The following DAB1 variants were observed in gnomAD, a reference collection of about 807,000 sequenced individuals.
DAB1 encodes the protein disabled homolog 1.
Under a neutral mutation model 64.6 loss-of-function variants are expected in DAB1, and 15 were observed. That is an observed-to-expected ratio of 0.23 (90% confidence interval 0.16 to 0.36). The LOEUF (loss-of-function observed/expected upper bound fraction) is 0.36. Among genes scored for constraint, DAB1 ranks in the 10% least tolerant of loss-of-function variants. The pLI is 1.00. For missense variants in DAB1, 596 were observed against 706.7 expected (o/e 0.84, Z 1.78); for synonymous variants, 235 against 251.9 (o/e 0.93, Z 0.64).
intron 4 of DAB1, among the ~76,000 whole-genome samples, chr1:58,241,683 A>C (rs2100380032): frequency 6.6e-6 from 1 of 152,248 alleles, no homozygotes; most frequent in South Asian, 2.1e-4. Flanking sequence ...TGTCCACTTA[A>C]AAGCAAATTC....
At chr1:57,745,619 T>C (rs72664617) in intron 6 of DAB1, among the ~76,000 whole-genome samples, 8,589 of 152,312 alleles carry the variant, frequency 0.056, 271 homozygotes, top group Middle Eastern at 0.099. Flanking sequence ...CTTGGGATTA[T>C]ATTTAAGTTT....
intron 7 of DAB1, among the ~76,000 whole-genome samples, chr1:57,534,334 A>T (rs759150218): frequency 1.3e-5 from 2 of 152,126 alleles, no homozygotes; most frequent in African/African-American, 2.4e-5. Context: ...ATTTGTGGGG[A>T]AAGTGGATTT....
At chr1:57,916,010 G>T (rs1233947505) in intron 5 of DAB1, among the ~76,000 whole-genome samples, 1 of 152,182 alleles carries the variant, frequency 6.6e-6, no homozygotes, top group Non-Finnish European at 1.5e-5. Flanking sequence ...GCTGCTTCCA[G>T]CCTGCTGCCA....
chr1:57,805,992 A>C (rs1011409493), intron 6 of DAB1, among the ~76,000 whole-genome samples: 3 of 152,176 alleles, frequency 2.0e-5, no homozygotes, highest in Non-Finnish European at 1.5e-5. Context: ...AAATTAGGTA[A>C]TGCAATCTTG....
At chr1:57,262,313 A>G (rs1454636632) in intron 2 of DAB1, among the ~76,000 whole-genome samples, 2 of 152,252 alleles carry the variant, frequency 1.3e-5, no homozygotes, top group African/African-American at 2.4e-5. Flanking sequence ...CTGAAATCAC[A>G]TCAACTCCAA....
chr1:58,202,753 G>A (rs1035287840), intron 4 of DAB1, among the ~76,000 whole-genome samples: 2 of 152,060 alleles, frequency 1.3e-5, no homozygotes, highest in African/African-American at 4.8e-5. Flanking sequence ...GCACTATGGG[G>A]TTGCTTTGTC....
intron 7 of DAB1, among the ~76,000 whole-genome samples, chr1:57,517,607 T>G (rs1644477908): frequency 6.6e-6 from 1 of 152,196 alleles, no homozygotes; most frequent in Non-Finnish European, 1.5e-5. Context: ...TAAAGCAAAT[T>G]TATCTGAGCA....
intron 1 of DAB1, among the ~76,000 whole-genome samples, chr1:57,849,137 G>A (rs1653413140): frequency 1.3e-5 from 2 of 152,110 alleles, no homozygotes; most frequent in Non-Finnish European, 2.9e-5. Context: ...TTTCTCCAAG[G>A]TGTTCATTCT....
intron 5 of DAB1, among the ~76,000 whole-genome samples, chr1:58,035,708 C>G (rs755603994): frequency 6.6e-6 from 1 of 152,130 alleles, no homozygotes; most frequent in East Asian, 1.9e-4. Context: ...GAGAATGGCT[C>G]CCCCTGGAGT....
chr1:58,424,691 G>A (rs1170722507), intron 3 of DAB1, among the ~76,000 whole-genome samples: 2 of 151,610 alleles, frequency 1.3e-5, no homozygotes, highest in Non-Finnish European at 2.9e-5. Context: ...TGTGACAATT[G>A]TTTTGGGATG....
intron 4 of DAB1, among the ~76,000 whole-genome samples, chr1:58,279,696 T>G (rs1201684596): frequency 6.6e-6 from 1 of 152,186 alleles, no homozygotes; most frequent in African/African-American, 2.4e-5. Context: ...GAAGTCTTTC[T>G]TCTCAGAACT....
chr1:57,321,176 C>T (rs1675685710), intron 1 of DAB1, among the ~76,000 whole-genome samples: 1 of 152,162 alleles, frequency 6.6e-6, no homozygotes, highest in South Asian at 2.1e-4. Context: ...ACTCCAATTT[C>T]AGCACTTGAC....
At chr1:57,509,387 A>C (rs1644382975) in intron 7 of DAB1, among the ~76,000 whole-genome samples, 1 of 152,158 alleles carries the variant, frequency 6.6e-6, no homozygotes, top group South Asian at 2.1e-4. Flanking sequence ...GAGGTAAACG[A>C]GAAGAATGTG....
chr1:57,864,470 A>G (rs1449862709), intron 1 of DAB1: 1 of 152,094 alleles, frequency 6.6e-6, no homozygotes, highest in African/African-American at 2.4e-5. Context: ...ATCACAGCAA[A>G]TAATTAGCTG....
intron 6 of DAB1, among the ~76,000 whole-genome samples, chr1:57,689,140 C>T (rs1286391317): frequency 6.6e-6 from 1 of 152,126 alleles, no homozygotes; most frequent in Non-Finnish European, 1.5e-5. Flanking sequence ...AATTCCTTCC[C>T]AGCTAATTAA....
intron 3 of DAB1, among the ~76,000 whole-genome samples, chr1:58,493,015 C>T (rs1210527928): frequency 1.3e-5 from 2 of 152,162 alleles, no homozygotes; most frequent in East Asian, 3.8e-4. Context: ...CAAAAATCCT[C>T]AATAAAATAC....
intron 2 of DAB1, among the ~76,000 whole-genome samples, chr1:57,210,865 T>C (rs1422536165): frequency 2.0e-5 from 3 of 152,250 alleles, no homozygotes; most frequent in Non-Finnish European, 4.4e-5. Flanking sequence ...TGTATGCATG[T>C]ATATGAATAC....
chr1:57,511,404 A>T (rs559369702), intron 7 of DAB1, among the ~76,000 whole-genome samples: 1 of 152,316 alleles, frequency 6.6e-6, no homozygotes, highest in Non-Finnish European at 1.5e-5. Flanking sequence ...TTGAGTTTGC[A>T]TGAAATGCTC....
chr1:57,245,845 G>A (rs985310011), intron 2 of DAB1, among the ~76,000 whole-genome samples: 1 of 152,192 alleles, frequency 6.6e-6, no homozygotes, highest in Non-Finnish European at 1.5e-5. Flanking sequence ...CTAGATCCTT[G>A]AGGAATCACA....
Sources: allele counts gnomAD v4.1 joint callset (sites outside exome capture counted in the v4.1 genomes callset), GRCh38; gene constraint gnomAD v4.1.1; transcripts MANE v1.5; gene names NCBI Gene and HGNC (gene_info 2026-07-23, HGNC 2026-07-21).